Variants in POLD3 observed in about 807,000 individuals in gnomAD.
POLD3 encodes the protein DNA polymerase delta 3, accessory subunit, also known as DNA polymerase delta subunit 3.
Under a neutral mutation model 58.2 loss-of-function variants are expected in POLD3, and 19 were observed. The ratio of observed to expected loss-of-function variants is 0.33; its 90% CI spans 0.23 to 0.48. The LOEUF is 0.48. Ranked by LOEUF, POLD3 falls within the 20% of genes least tolerant of loss-of-function variation. POLD3 has a pLI of 0.99. For missense variants in POLD3, 504 were observed against 545.5 expected (o/e 0.92, Z 0.76); for synonymous variants, 172 against 193.5 (o/e 0.89, Z 0.92).
At chr11:74,593,134 T>C (rs2031096809) in intron 1 of POLD3, 2 of 680,708 alleles carry the variant, frequency 2.9e-6, no homozygotes, top group South Asian at 5.5e-5. Context: ...CTGTTTCCTC[T>C]TCCTGGAAAT....
chr11:74,625,317 A>G, intron 7 of POLD3, 91 bp from the exon 8 acceptor site: 1 of 1,056,814 alleles, frequency 9.5e-7, no homozygotes, highest in Non-Finnish European at 1.4e-6. Flanking sequence ...TGCTCCTAAC[A>G]TATTACCTGG....
intron 5 of POLD3, among the ~76,000 whole-genome samples, chr11:74,617,308 G>A (rs116972555): frequency 0.012 from 1,802 of 152,258 alleles, 13 homozygotes; most frequent in South Asian, 0.04. Flanking sequence ...TTACTTGTCC[G>A]GTGCTGTTAG....
chr11:74,610,516 C>T (rs943844207), intron 3 of POLD3, among the ~76,000 whole-genome samples: 4 of 152,058 alleles, frequency 2.6e-5, no homozygotes, highest in Non-Finnish European at 5.9e-5. Flanking sequence ...GCCTTTCTTG[C>T]CCATTTTCTA....
intron 4 of POLD3, among the ~76,000 whole-genome samples, chr11:74,663,000 C>G (rs1428814771): frequency 1.3e-5 from 2 of 152,214 alleles, no homozygotes; most frequent in Non-Finnish European, 2.9e-5. Flanking sequence ...CACAGATTCT[C>G]TGTACCAAGG....
chr11:74,652,199 G>A (rs1332681147), intron 4 of POLD3, among the ~76,000 whole-genome samples: 4 of 152,086 alleles, frequency 2.6e-5, no homozygotes, highest in Admixed American at 6.5e-5. Context: ...TGAATGTCTC[G>A]AAAGCAACTT....
Position 74,625,445 on chromosome 11 carries a change from G to A in POLD3, c.771G>A (p.Val257=). Residue 257 remains valine, a synonymous_variant, in exon 8 of 12, where the codon GTG becomes GTA. Coordinates refer to ENST00000263681, the MANE Select transcript of POLD3 (RefSeq NM_006591.3). The part of the protein sequence containing the change: ...FKVNLDSEQA[V]KEEKIVEQPT... ...TCAATTTGGACTCAGAACAAGCAGT[G>A]AAAGAAGAAAAAATAGTGGAGCAGC... is the stretch of plus-strand genomic sequence containing the variant. The A allele has an allele frequency of 1.2e-6, 2 of 1,613,070 alleles. No individual in the cohort carries two copies. The highest frequency in any genetic ancestry group is 8.5e-7 in the Non-Finnish European group (1 of 1,179,536).
chr11:74,659,773 C>T (rs2033182682), intron 4 of POLD3, among the ~76,000 whole-genome samples: 1 of 152,204 alleles, frequency 6.6e-6, no homozygotes, highest in Non-Finnish European at 1.5e-5. Context: ...CAGCCTGAAC[C>T]TTATTGTTCA....
At chr11:74,631,989 A>G (rs2032608321) in intron 9 of POLD3, among the ~76,000 whole-genome samples, 1 of 151,342 alleles carries the variant, frequency 6.6e-6, no homozygotes, top group African/African-American at 2.4e-5. Context: ...AGTACTATAT[A>G]CTCTCTTTTT....
At chr11:74,593,924 A>G in intron 1 of POLD3, 137 bp from the exon 2 acceptor site, 1 of 572,890 alleles carries the variant, frequency 1.7e-6, no homozygotes, top group East Asian at 2.9e-5. Context: ...AGTTCTTGGG[A>G]AAACTGCAGT....
chr11:74,618,039 G>A (rs10899015), intron 5 of POLD3, among the ~76,000 whole-genome samples: 60,258 of 152,040 alleles, frequency 0.4, 12,972 homozygotes, highest in African/African-American at 0.56. Flanking sequence ...ATTTACTCTG[G>A]CCAAGAGAGT....
chr11:74,657,112 AT>A (rs2033146527), intron 4 of POLD3, among the ~76,000 whole-genome samples: 1 of 151,734 alleles, frequency 6.6e-6, no homozygotes, highest in African/African-American at 2.4e-5. Flanking sequence ...TCTTTTTTAA[AT>A]TTCCATTCGC....
intron 3 of POLD3, among the ~76,000 whole-genome samples, chr11:74,606,085 G>A (rs1591293336): frequency 1.3e-5 from 2 of 152,242 alleles, no homozygotes; most frequent in South Asian, 2.1e-4. Context: ...AAACTGGAAC[G>A]TCAATTTAGT....
chr11:74,653,283 G>T (rs116781427), intron 4 of POLD3, among the ~76,000 whole-genome samples: 254 of 149,626 alleles, frequency 1.7e-3, no homozygotes, highest in African/African-American at 6.0e-3. Context: ...TTTTCATTTA[G>T]AAACAGAATA....
chr11:74,657,100 C>G (rs2033146359), intron 4 of POLD3, among the ~76,000 whole-genome samples: 1 of 151,930 alleles, frequency 6.6e-6, no homozygotes, highest in Non-Finnish European at 1.5e-5. Flanking sequence ...TATAGCTACT[C>G]CTCTTTTTTA....
At chr11:74,665,762 C>T (rs2033261276) in intron 4 of POLD3, among the ~76,000 whole-genome samples, 1 of 152,096 alleles carries the variant, frequency 6.6e-6, no homozygotes, top group South Asian at 2.1e-4. Context: ...TCCTCTACCT[C>T]ATAAAGGGTA....
intron 4 of POLD3, among the ~76,000 whole-genome samples, chr11:74,657,759 A>AT (rs1224041620): frequency 6.6e-6 from 1 of 152,144 alleles, no homozygotes; most frequent in African/African-American, 2.4e-5. Flanking sequence ...TCTTCAGATG[A>AT]TTTTTTATTG....
chr11:74,599,937 A>T (rs751208856), intron 2 of POLD3, among the ~76,000 whole-genome samples: 10 of 149,612 alleles, frequency 6.7e-5, no homozygotes, highest in Non-Finnish European at 8.9e-5. Context: ...AAGAAGTCAT[A>T]TATGTTGTTA....
chr11:74,595,902 A>T (rs1248040274), intron 2 of POLD3, among the ~76,000 whole-genome samples: 1 of 152,102 alleles, frequency 6.6e-6, no homozygotes, highest in Non-Finnish European at 1.5e-5. Context: ...GGGATTACAG[A>T]CATAAGCCAC....
rs773739840 is a variant in POLD3, at chr11:74,636,182, C to T, written c.1120-15C>T. 1.2e-6 allele frequency: 2 copies of T among 1,606,254 alleles called. No homozygotes were observed. The highest frequency in any genetic ancestry group is 1.7e-5 in the Admixed American group (1 of 59,896). ...TAATTGATCCAGCTTAACATTGTAT[C>T]CTCTGACCTTTTAGAGCTCAAGTGG... is the stretch of plus-strand genomic sequence containing the variant. On this transcript the variant is annotated splice_polypyrimidine_tract_variant and intron_variant, in intron 10 of 11. Transcript: ENST00000263681.
Sources: allele counts gnomAD v4.1 joint callset (sites outside exome capture counted in the v4.1 genomes callset), GRCh38; gene constraint gnomAD v4.1.1; transcripts MANE v1.5; gene names NCBI Gene and HGNC (gene_info 2026-07-23, HGNC 2026-07-21).